The following THSD4 variants were observed in gnomAD, a reference collection of about 807,000 sequenced individuals.
THSD4 encodes thrombospondin type 1 domain containing 4, also known as thrombospondin type-1 domain-containing protein 4.
In THSD4, 69 loss-of-function variants were observed where a neutral mutation model predicts 119.0. That is an observed-to-expected ratio of 0.58 (90% CI 0.48 to 0.71). The LOEUF (loss-of-function observed/expected upper bound fraction) is 0.71. THSD4 is among the 30% of genes least tolerant of loss of function. THSD4 has a pLI of 0.00. For synonymous variants in THSD4, 524 were observed against 540.4 expected (o/e 0.97, Z 0.42); for missense variants, 1,393 against 1,391.1 (o/e 1.00, Z -0.02).
chr15:71,337,195 C>G (rs1246131402), intron 6 of THSD4, among the ~76,000 whole-genome samples: 1 of 152,170 alleles, frequency 6.6e-6, no homozygotes. Context: ...TGGTCATTTT[C>G]CAACCCAAGA....
rs754217019 is a variant in THSD4, at chr15:71,228,363, C to A, written c.464+12964C>A. Among the ~76,000 whole-genome samples, 16 of 152,240 alleles carry A rather than the reference C, an allele frequency of 1.1e-4. No individual in the cohort carries two copies. In the East Asian group the frequency reaches 2.9e-3, roughly 28 times the overall value. ...AGAGGCCAGGAAACAGATCCTCCCC[C>A]AGAGCCTCTGAAAGGAGCATGGCCC... On this transcript the variant is annotated intron_variant, in intron 4 of 17. Transcript: ENST00000261862.
At chr15:71,197,123 T>C (rs1204727821) in intron 3 of THSD4, among the ~76,000 whole-genome samples, 1 of 152,224 alleles carries the variant, frequency 6.6e-6, no homozygotes, top group Non-Finnish European at 1.5e-5. Flanking sequence ...TTCAGCTTAG[T>C]GCAACAGAAC....
chr15:71,486,655 C>T (rs189812280), intron 7 of THSD4, among the ~76,000 whole-genome samples: 30 of 148,094 alleles, frequency 2.0e-4, no homozygotes, highest in African/African-American at 5.7e-4. Flanking sequence ...CTCCTCTGTC[C>T]ACCTCTATAT....
At chr15:71,485,647 C>T (rs1034228411) in intron 7 of THSD4, among the ~76,000 whole-genome samples, 3 of 151,782 alleles carry the variant, frequency 2.0e-5, no homozygotes, top group African/African-American at 4.8e-5. Flanking sequence ...TTTCTCTTGC[C>T]CTCTACAGAC....
chr15:71,625,753 T>C (rs990628487), intron 7 of THSD4, among the ~76,000 whole-genome samples: 1 of 152,054 alleles, frequency 6.6e-6, no homozygotes, highest in African/African-American at 2.4e-5. Context: ...ATGCTAGGAG[T>C]GCAGGATGAG....
chr15:71,282,460 G>C (rs9806183), intron 6 of THSD4, among the ~76,000 whole-genome samples: 93,333 of 144,962 alleles, frequency 0.64, 29,465 homozygotes, highest in East Asian at 0.85. Context: ...GTTTGTAAAT[G>C]TGAGGTTGAT....
intron 5 of THSD4, among the ~76,000 whole-genome samples, chr15:71,252,551 C>G (rs2044271324): frequency 6.6e-6 from 1 of 152,238 alleles, no homozygotes; most frequent in Non-Finnish European, 1.5e-5. Context: ...CTAGCCCTAT[C>G]CTGACAAGAC....
chr15:71,648,929 A>G (rs964608365), intron 7 of THSD4, among the ~76,000 whole-genome samples: 1 of 152,170 alleles, frequency 6.6e-6, no homozygotes, highest in Non-Finnish European at 1.5e-5. Context: ...TTGATCCCTC[A>G]TTTTACAGGT....
chr15:71,423,159 A>G (rs981725711), intron 7 of THSD4, among the ~76,000 whole-genome samples: 9 of 151,784 alleles, frequency 5.9e-5, no homozygotes, highest in Admixed American at 3.9e-4. Flanking sequence ...AGGGACTCCA[A>G]GAGCCCACTT....
rs1292804599 is a variant in THSD4 at position 71,747,166 on chromosome 15, G to A, written c.2241+124G>A. The A allele has an allele frequency of 7.1e-6, 8 of 1,119,856 alleles. No individual in the cohort carries two copies. The Admixed American group carries it at 9.1e-5, about 13-fold the overall frequency. The allele number at this position is 1,119,856 out of a possible 1,614,324, so 69.4% of individuals were successfully genotyped here. A position where few individuals can be genotyped will look rare whatever the true frequency, so the allele number is the denominator to read the frequency against. On this transcript the variant is annotated intron_variant, in intron 13 of 17. Coordinates refer to ENST00000261862, the MANE Select transcript of THSD4 (RefSeq NM_024817.3). ...CCACAGGAGGGAACCCGTCCCGTGG[G>A]GGTCTGGACGGCTGTTTTTGCAAAC...
chr15:71,647,165 T>C (rs1181756255), intron 7 of THSD4, among the ~76,000 whole-genome samples: 1 of 152,220 alleles, frequency 6.6e-6, no homozygotes, highest in Non-Finnish European at 1.5e-5. Context: ...ATCGGTGTTT[T>C]TCCAACTGGT....
intron 1 of THSD4, among the ~76,000 whole-genome samples, chr15:71,139,656 A>C (rs998021361): frequency 1.3e-5 from 2 of 152,232 alleles, no homozygotes; most frequent in African/African-American, 4.8e-5. Flanking sequence ...GGCCTGTGGT[A>C]ACTTAAAATC....
intron 6 of THSD4, among the ~76,000 whole-genome samples, chr15:71,333,127 C>G (rs2045448166): frequency 6.6e-6 from 1 of 151,516 alleles, no homozygotes; most frequent in Non-Finnish European, 1.5e-5. Flanking sequence ...GACATCTTCC[C>G]TTTTTGCTGC....
At chr15:71,733,950 A>AGTTGTT (rs2053031768) in intron 10 of THSD4, 3 of 75,370 alleles carry the variant, frequency 4.0e-5, no homozygotes, top group Non-Finnish European at 1.1e-4. Context: ...AGAAAGCCCT[A>AGTTGTT]ATTGTTGTTG....
Position 71,738,145 on chromosome 15 carries a change from C to A in THSD4, c.1906+138C>A, listed in dbSNP as rs752183122. On this transcript the variant is annotated intron_variant, in intron 11 of 17. Coordinates refer to ENST00000261862, the MANE Select transcript of THSD4 (RefSeq NM_024817.3). ...AAGACGATTTCTCCATGGATGGTGGCGGGGTTGGGGGATGGTTTCTGGGTG... is the reference window on the plus strand; with the variant it reads ...AAGACGATTTCTCCATGGATGGTGGAGGGGTTGGGGGATGGTTTCTGGGTG... 30 of 1,204,596 alleles carry A rather than the reference C, an allele frequency of 2.5e-5. No individual in the cohort carries two copies. In the South Asian group the frequency reaches 4.0e-4, roughly 16 times the overall value. The allele number at this position is 1,204,596 out of a possible 1,614,324, so 74.6% of individuals were successfully genotyped here.
chr15:71,506,206 A>T (rs996116629), intron 7 of THSD4, among the ~76,000 whole-genome samples: 6 of 152,022 alleles, frequency 3.9e-5, no homozygotes, highest in Admixed American at 3.3e-4. Context: ...GCTGATCTAG[A>T]TCTTAGGAAT....
chr15:71,543,375 T>C (rs1355923125), intron 7 of THSD4, among the ~76,000 whole-genome samples: 1 of 152,076 alleles, frequency 6.6e-6, no homozygotes, highest in East Asian at 1.9e-4. Flanking sequence ...AGAAGGTTGC[T>C]ACATAAAGTC....
At chr15:71,694,747 C>T (rs1193415573) in intron 8 of THSD4, among the ~76,000 whole-genome samples, 1 of 152,132 alleles carries the variant, frequency 6.6e-6, no homozygotes, top group Non-Finnish European at 1.5e-5. Flanking sequence ...CTCTGTGTAG[C>T]TTTGTCAGGA....
intron 6 of THSD4, among the ~76,000 whole-genome samples, chr15:71,325,295 T>C (rs1054513317): frequency 6.6e-6 from 1 of 152,214 alleles, no homozygotes; most frequent in Admixed American, 6.5e-5. Context: ...ACCTCCAGTA[T>C]GCTATCCTCC....
Sources: allele counts gnomAD v4.1 joint callset (sites outside exome capture counted in the v4.1 genomes callset), GRCh38; gene constraint gnomAD v4.1.1; transcripts MANE v1.5; gene names NCBI Gene and HGNC (gene_info 2026-07-23, HGNC 2026-07-21).